Variants in ZNF736 observed in about 807,000 individuals in gnomAD.
ZNF736 encodes the protein KRAB-containing zinc-finger repressor protein.
In ZNF736, 6 loss-of-function variants were observed where a neutral mutation model predicts 11.7. The observed-to-expected ratio is 0.51, with a 90% CI of 0.28 to 1.01. The LOEUF (loss-of-function observed/expected upper bound fraction) is 1.01. ZNF736 is among the 50% of genes least tolerant of loss of function. The pLI is 0.09. For synonymous variants in ZNF736, 139 were observed against 164.7 expected (o/e 0.84, Z 1.19); for missense variants, 444 against 496.0 (o/e 0.90, Z 1.00).
chr7:64,315,092 C>T (rs573301446), intron 1 of ZNF736, among the ~76,000 whole-genome samples: 2 of 152,226 alleles, frequency 1.3e-5, no homozygotes, highest in Admixed American at 1.3e-4. Context: ...CCCACCTTGC[C>T]TCTTTTTCAA....
At chr7:64,340,066 G>A (rs1304792117) in intron 3 of ZNF736, among the ~76,000 whole-genome samples, 4 of 152,142 alleles carry the variant, frequency 2.6e-5, no homozygotes, top group Non-Finnish European at 4.4e-5. Context: ...CTTGGCAGAC[G>A]GAATTGCCTT....
At chr7:64,333,411 C>T (rs1430965917) in intron 1 of ZNF736, among the ~76,000 whole-genome samples, 2 of 152,108 alleles carry the variant, frequency 1.3e-5, no homozygotes, top group Non-Finnish European at 2.9e-5. Flanking sequence ...CTGTGGCTGT[C>T]GAACATGGAA....
In ZNF736 at chr7:64,349,796, A is replaced by G. The variant is rs757442140; in HGVS notation, c.*649A>G. On this transcript the variant is annotated 3_prime_UTR_variant, in exon 4 of 4. Coordinates refer to ENST00000423484, the MANE Select transcript of ZNF736 (RefSeq NM_001170905.3). The stretch of plus-strand genomic sequence containing the variant: ...CATTTGCTTGTCTGAATAGGATCAT[A>G]TATATTTTTTACTTCTGAAGCTTAC... 1 of 152,260 alleles carries G rather than the reference A, an allele frequency of 6.6e-6. No individual in the cohort carries two copies. Among genetic ancestry groups the G allele is most frequent in the African/African-American group, 2.4e-5 (1 of 41,436 alleles). 9.4% of individuals were successfully genotyped at this position (152,260 alleles called of 1,614,324 possible).
At chr7:64,314,208 C>G in intron 1 of ZNF736, 55 bp downstream of exon 1, 1 of 1,546,676 alleles carries the variant, frequency 6.5e-7, no homozygotes, top group Non-Finnish European at 8.7e-7. Context: ...TTGAATCCGG[C>G]CGGAACCGGC....
chr7:64,344,561 G>GT (rs1789383300), intron 3 of ZNF736, among the ~76,000 whole-genome samples: 1 of 151,994 alleles, frequency 6.6e-6, no homozygotes, highest in Non-Finnish European at 1.5e-5. Context: ...TTGTGTGTGT[G>GT]GCTGGCTTAC....
chr7:64,351,137 C>G lies in ZNF736; in HGVS notation c.*1990C>G, dbSNP rs1173774388. On this transcript the variant is annotated 3_prime_UTR_variant, in exon 4 of 4. Transcript: ENST00000423484. ...GTTTTGATGCCTTCTCTGTGCCCCC[C>G]AAGAAAGAGTGATTGTTCAGAGTGT... 1 of 152,404 alleles carries G rather than the reference C, an allele frequency of 6.6e-6. No homozygotes were observed. Among genetic ancestry groups the G allele is most frequent in the African/African-American group, 2.4e-5 (1 of 41,440 alleles). 9.4% of individuals were successfully genotyped at this position (152,404 alleles called of 1,614,324 possible). A position where few individuals can be genotyped will look rare whatever the true frequency, so the allele number is the denominator to read the frequency against.
intron 1 of ZNF736, among the ~76,000 whole-genome samples, chr7:64,332,459 C>T (rs759993031): frequency 1.3e-5 from 2 of 152,090 alleles, no homozygotes; most frequent in Non-Finnish European, 2.9e-5. Context: ...AAAAGCAGAA[C>T]GAAGATCACA....
At position 64,348,238 on chromosome 7, in the gene ZNF736, GC is replaced by G. The variant is rs1356431978; in HGVS notation, c.376del (p.Gln126ArgfsTer72). 3 of 1,551,882 alleles carry G rather than the reference GC, an allele frequency of 1.9e-6. No individual in the cohort carries two copies. The highest frequency in any genetic ancestry group is 2.6e-6 in the Non-Finnish European group (3 of 1,146,904). On this transcript the variant is annotated frameshift_variant, in exon 4 of 4. Coordinates refer to ENST00000423484, the MANE Select transcript of ZNF736 (RefSeq NM_001170905.3). LOFTEE classifies it low-confidence loss of function (END_TRUNC). ...DYQSVGNCKG[Q>X]KSSYNGLHQC... ...ACCAAAGTGTGGGTAATTGCAAGGG[GC>G]AGAAAAGCAGTTATAATGGCCTTCA...
intron 3 of ZNF736, among the ~76,000 whole-genome samples, chr7:64,344,683 G>T (rs192137471): frequency 6.6e-6 from 1 of 151,968 alleles, no homozygotes; most frequent in East Asian, 1.9e-4. Flanking sequence ...TATATTTATC[G>T]ATTAATTTGG....
rs118167316 is a variant in ZNF736, at chr7:64,337,020, G to A, written c.226+38G>A. ...GAATGAAGCAGATGACACAAATGAC[G>A]GATCCCAATGTCAAGGAGGAAGCCA... is the stretch of plus-strand genomic sequence containing the variant. On this transcript the variant is annotated intron_variant, in intron 3 of 3. Coordinates refer to ENST00000423484, the MANE Select transcript of ZNF736 (RefSeq NM_001170905.3). 7.5e-5 allele frequency: 115 copies of A among 1,532,824 alleles called. No individual in the cohort carries two copies. In the East Asian group the frequency reaches 2.2e-3, roughly 29 times the overall value. 95.0% of individuals were successfully genotyped at this position (1,532,824 alleles called of 1,614,324 possible).
At chr7:64,340,136 G>A (rs1481828943) in intron 3 of ZNF736, among the ~76,000 whole-genome samples, 2 of 152,152 alleles carry the variant, frequency 1.3e-5, no homozygotes, top group African/African-American at 4.8e-5. Context: ...GCTGGTATAT[G>A]GTGTGCCTGA....
chr7:64,329,927 C>A (rs1280174455), intron 1 of ZNF736, among the ~76,000 whole-genome samples: 10 of 152,166 alleles, frequency 6.6e-5, no homozygotes, highest in Non-Finnish European at 2.9e-5. Context: ...CTACTTGGTG[C>A]TCTATTCTGT....
intron 2 of ZNF736, 71 bp from the exon 3 acceptor site, chr7:64,336,816 A>G (rs1255624566): frequency 2.1e-5 from 26 of 1,221,830 alleles, no homozygotes; most frequent in Non-Finnish European, 2.9e-5. Context: ...TCTCTTCTCT[A>G]CTGAGCATAG....
rs1468871592 is a variant in ZNF736 at position 64,351,986 on chromosome 7, T to G, written c.*2839T>G. 1.3e-5 allele frequency: 2 copies of G among 152,168 alleles called. No individual in the cohort carries two copies. Among genetic ancestry groups the G allele is most frequent in the Non-Finnish European group, 2.9e-5 (2 of 68,056 alleles). 9.4% of individuals were successfully genotyped at this position (152,168 alleles called of 1,614,324 possible). On this transcript the variant is annotated 3_prime_UTR_variant, in exon 4 of 4. Transcript: ENST00000423484. ...GGCACTTAGGGTTTGGGATTTTTTA[T>G]TAGTCTGAGGGTAGCAAGGACAGTT...
chr7:64,342,008 T>A (rs1366918382), intron 3 of ZNF736, among the ~76,000 whole-genome samples: 1 of 152,198 alleles, frequency 6.6e-6, no homozygotes, highest in Non-Finnish European at 1.5e-5. Flanking sequence ...TGGAGGACAA[T>A]TTTTTGATGT....
At chr7:64,323,464 A>G (rs1334181979) in intron 1 of ZNF736, among the ~76,000 whole-genome samples, 3 of 152,144 alleles carry the variant, frequency 2.0e-5, no homozygotes, top group Non-Finnish European at 4.4e-5. Flanking sequence ...ACTATTCACA[A>G]TAGCAAAGAC....
At chr7:64,334,209 G>A (rs1789214342) in intron 1 of ZNF736, among the ~76,000 whole-genome samples, 1 of 152,094 alleles carries the variant, frequency 6.6e-6, no homozygotes, top group Non-Finnish European at 1.5e-5. Context: ...GAAAACCTAG[G>A]TAATACCATT....
chr7:64,345,567 A>G (rs954135378), intron 3 of ZNF736, among the ~76,000 whole-genome samples: 12 of 151,162 alleles, frequency 7.9e-5, no homozygotes, highest in Non-Finnish European at 1.5e-4. Flanking sequence ...TGTCTCTACT[A>G]AAATACAAAA....
intron 3 of ZNF736, among the ~76,000 whole-genome samples, chr7:64,340,393 A>G (rs143627340): frequency 4.2e-4 from 63 of 151,296 alleles, no homozygotes; most frequent in African/African-American, 1.4e-3. Flanking sequence ...GGAGATGGTT[A>G]TGGAGTCACT....
Sources: allele counts gnomAD v4.1 joint callset (sites outside exome capture counted in the v4.1 genomes callset), GRCh38; gene constraint gnomAD v4.1.1; transcripts MANE v1.5; gene names NCBI Gene and HGNC (gene_info 2026-07-23, HGNC 2026-07-21).